Variants in MLYCD observed in about 807,000 individuals in gnomAD.
MLYCD encodes malonyl-CoA decarboxylase, mitochondrial.
In MLYCD, 27 loss-of-function variants were observed where a neutral mutation model predicts 35.8. The observed-to-expected ratio is 0.75, with a 90% CI of 0.56 to 1.04. The LOEUF is 1.04. Among genes scored for constraint, MLYCD ranks in the 50% least tolerant of loss-of-function variants. MLYCD has a pLI of 0.00. For missense variants in MLYCD, 917 were observed against 665.1 expected, an observed-to-expected ratio of 1.38 and a Z score of -4.17; for synonymous variants, 403 against 302.4, an observed-to-expected ratio of 1.33 and a Z score of -3.45.
At chr16:83,904,210 G>C (rs1453395765) in intron 1 of MLYCD, among the ~76,000 whole-genome samples, 1 of 152,112 alleles carries the variant, frequency 6.6e-6, no homozygotes, top group Non-Finnish European at 1.5e-5. Context: ...ATGTAAGACA[G>C]ATACCAGTAC....
At chr16:83,907,724 G>A (rs1907031645) in intron 2 of MLYCD, among the ~76,000 whole-genome samples, 1 of 152,134 alleles carries the variant, frequency 6.6e-6, no homozygotes, top group Non-Finnish European at 1.5e-5. Context: ...ACAAAATAGC[G>A]GTGGGGCGAG....
rs752432505 is a variant in MLYCD, at chr16:83,912,397, G to A, written c.948+30G>A. 5.0e-5 allele frequency: 80 copies of A among 1,613,634 alleles called. No homozygotes were observed. In the Middle Eastern group the frequency reaches 5.0e-4, roughly 10 times the overall value. ...GCGACACGCAGGGAGCCCCGGTCAC[G>A]CTTGGCTTCCGTGTGGTCAGGTCAG... On this transcript the variant is annotated intron_variant, in intron 4 of 4. Transcript: ENST00000262430.
chr16:83,900,526 C>G (rs1434004572), intron 1 of MLYCD, among the ~76,000 whole-genome samples: 1 of 151,774 alleles, frequency 6.6e-6, no homozygotes, highest in African/African-American at 2.4e-5. Flanking sequence ...AGCAATCTTC[C>G]CACCTCAGCC....
chr16:83,912,084 C>G, intron 3 of MLYCD, 134 bp from the exon 4 acceptor site: 1 of 1,312,320 alleles, frequency 7.6e-7, no homozygotes, highest in Non-Finnish European at 1.1e-6. Flanking sequence ...TAGCCTGAAC[C>G]CCAGCTGGGG....
chr16:83,908,282 G>C lies in MLYCD; in HGVS notation c.798G>C (p.Gln266His). The C allele has an allele frequency of 6.2e-7, 1 of 1,614,054 alleles. No homozygotes were observed. Among genetic ancestry groups the C allele is most frequent in the Non-Finnish European group, 8.5e-7 (1 of 1,180,018 alleles). ...ALTGDISSNI[Q>H]AIVKEHPPSE... ...CTGGTGACATCTCCAGCAACATCCA[G>C]GTACCTGCGATGGTCAATTCGGGAC... Residue 266 changes from glutamine to histidine, a missense_variant and splice_region_variant, in exon 3 of 5, where the codon CAG (glutamine) becomes CAC (histidine). Coordinates refer to ENST00000262430, the MANE Select transcript of MLYCD (RefSeq NM_012213.3).
intron 1 of MLYCD, among the ~76,000 whole-genome samples, chr16:83,904,255 C>A (rs183139228): frequency 7.2e-5 from 11 of 152,296 alleles, no homozygotes; most frequent in Admixed American, 3.3e-4. Context: ...CGTTCCTAAA[C>A]TGGGGTACAG....
chr16:83,909,016 CCTG>C (rs1907079693), intron 3 of MLYCD, among the ~76,000 whole-genome samples: 1 of 152,126 alleles, frequency 6.6e-6, no homozygotes, highest in Non-Finnish European at 1.5e-5. Context: ...AAGCAGGTGT[CCTG>C]CTGAGAAGTT....
At chr16:83,902,750 C>A (rs764157765) in intron 1 of MLYCD, among the ~76,000 whole-genome samples, 16 of 152,170 alleles carry the variant, frequency 1.1e-4, no homozygotes, top group Middle Eastern at 3.2e-3. Context: ...AGATGATCCG[C>A]CCGCCTTGGC....
In MLYCD at chr16:83,927,022, A is replaced by AAAATC. The variant is rs775601144; in HGVS notation, c.*11534_*11538dup. 6.6e-6 allele frequency: 1 copy of AAAATC among 152,180 alleles called. No homozygotes were observed. The highest frequency in any genetic ancestry group is 1.5e-5 in the Non-Finnish European group (1 of 68,036). The allele number at this position is 152,180 out of a possible 1,614,324, so 9.4% of individuals were successfully genotyped here. ...CAAAAAAAAATAAAAATAAAAAAAT[A>AAAATC]AAATCCTAACAGGTAGCATACCTGC... On this transcript the variant is annotated 3_prime_UTR_variant, in exon 5 of 5. Coordinates refer to ENST00000262430, the MANE Select transcript of MLYCD (RefSeq NM_012213.3).
chr16:83,910,172 TTA>T (rs1567634863), intron 3 of MLYCD, among the ~76,000 whole-genome samples: 1 of 151,764 alleles, frequency 6.6e-6, no homozygotes, highest in Non-Finnish European at 1.5e-5. Flanking sequence ...GTCATGGAGA[TTA>T]GATTTTGGAG....
At chr16:83,912,623 G>A (rs1348389608) in intron 4 of MLYCD, 10 of 518,510 alleles carry the variant, frequency 1.9e-5, no homozygotes, top group Non-Finnish European at 2.8e-5. Context: ...GTATTCTGAG[G>A]TCATCAACTC....
At chr16:83,901,904 A>G (rs755985264) in intron 1 of MLYCD, among the ~76,000 whole-genome samples, 11 of 152,274 alleles carry the variant, frequency 7.2e-5, no homozygotes, top group African/African-American at 2.2e-4. Flanking sequence ...ATCAAACAGA[A>G]TGAATAACGA....
rs188514679 is a variant in MLYCD, at chr16:83,920,819, A to C, written c.*5330A>C. On this transcript the variant is annotated 3_prime_UTR_variant, in exon 5 of 5. Coordinates refer to ENST00000262430, the MANE Select transcript of MLYCD (RefSeq NM_012213.3). ...CATCAGTGGTTTTCTGTTTTTATCA[A>C]ACTTTATCTTTGTACTTCTTACAGT... 4 of 152,332 alleles carry C rather than the reference A, an allele frequency of 2.6e-5. No homozygotes were observed. In the South Asian group the frequency reaches 6.2e-4, roughly 24 times the overall value. The allele number at this position is 152,332 out of a possible 1,614,324, so 9.4% of individuals were successfully genotyped here.
intron 1 of MLYCD, among the ~76,000 whole-genome samples, chr16:83,904,877 C>T (rs1266356195): frequency 6.6e-6 from 1 of 152,182 alleles, no homozygotes; most frequent in Non-Finnish European, 1.5e-5. Context: ...CATCTGACTG[C>T]CCATGACTTC....
chr16:83,906,701 T>C (rs909894619), intron 1 of MLYCD, among the ~76,000 whole-genome samples: 1 of 151,320 alleles, frequency 6.6e-6, no homozygotes, highest in African/African-American at 2.5e-5. Flanking sequence ...TTGGAAGATA[T>C]TATTTGATTT....
At chr16:83,909,712 C>G (rs1480981511) in intron 3 of MLYCD, among the ~76,000 whole-genome samples, 2 of 151,070 alleles carry the variant, frequency 1.3e-5, no homozygotes, top group African/African-American at 2.4e-5. Context: ...ACCTCCAACT[C>G]CCGGGTACAA....
chr16:83,903,458 T>C (rs1906868913), intron 1 of MLYCD, among the ~76,000 whole-genome samples: 1 of 152,218 alleles, frequency 6.6e-6, no homozygotes, highest in South Asian at 2.1e-4. Flanking sequence ...GCCTCTGCAG[T>C]GCTACCCTCA....
Position 83,899,690 on chromosome 16 carries a change from A to AC in MLYCD, c.528+18_528+19insC, listed in dbSNP as rs764711848. On this transcript the variant is annotated intron_variant, in intron 1 of 4. Transcript: ENST00000262430. Reference sequence around the variant, plus strand: ...ACGTCCGGGTAAGGGGCCGCCGTCGATCCCCCGGCAGCGCGGACTGGCCGC... The same window carrying AC: ...ACGTCCGGGTAAGGGGCCGCCGTCGACTCCCCCGGCAGCGCGGACTGGCCGC... The AC allele has an allele frequency of 5.3e-6, 8 of 1,501,716 alleles. No individual in the cohort carries two copies. Among genetic ancestry groups the AC allele is most frequent in the South Asian group, 1.2e-5 (1 of 80,768 alleles). 93.0% of individuals were successfully genotyped at this position (1,501,716 alleles called of 1,614,324 possible).
chr16:83,912,828 C>A, intron 4 of MLYCD: 1 of 272,080 alleles, frequency 3.7e-6, no homozygotes, highest in Non-Finnish European at 7.3e-6. Context: ...TGGGCCTTCT[C>A]ATGGCCTGTG....
Sources: allele counts gnomAD v4.1 joint callset (sites outside exome capture counted in the v4.1 genomes callset), GRCh38; gene constraint gnomAD v4.1.1; transcripts MANE v1.5; gene names NCBI Gene and HGNC (gene_info 2026-07-23, HGNC 2026-07-21).